Variants in MAP1S observed in about 807,000 individuals in gnomAD.
MAP1S encodes the protein microtubule associated protein 1S, also known as microtubule-associated protein 1S.
In MAP1S, 27 loss-of-function variants were observed where a neutral mutation model predicts 60.9. The observed-to-expected ratio is 0.44, with a 90% CI of 0.33 to 0.61. MAP1S has a LOEUF of 0.61. MAP1S is among the 20% of genes least tolerant of loss of function. MAP1S has a pLI of 0.03. For synonymous variants in MAP1S, 826 were observed against 694.2 expected (o/e 1.19, Z -2.98); for missense variants, 1,608 against 1,486.6 (o/e 1.08, Z -1.34).
chr19:17,719,494 G>T lies in MAP1S; in HGVS notation c.-9G>T. ...GGGCGGGCGCCGAGAACGCCGGGGC[G>T]GCCCGAAGATGGCGGCGGTGGCTGG... is the stretch of plus-strand genomic sequence containing the variant. On this transcript the variant is annotated 5_prime_UTR_variant, in exon 1 of 7. Transcript: ENST00000324096. 8.0e-7 allele frequency: 1 copy of T among 1,243,154 alleles called. No homozygotes were observed. Among genetic ancestry groups the T allele is most frequent in the Non-Finnish European group, 1.0e-6 (1 of 986,304 alleles). The allele number at this position is 1,243,154 out of a possible 1,614,324, so 77.0% of individuals were successfully genotyped here. A position where few individuals can be genotyped will look rare whatever the true frequency, so the allele number is the denominator to read the frequency against.
In MAP1S at chr19:17,726,792, G is replaced by A; in HGVS notation, c.1408G>A (p.Ala470Thr). Residue 470 changes from alanine (A) to threonine (T), a missense_variant, in exon 5 of 7, where the codon GCC becomes ACC. Ala to Thr is a moderately conservative substitution (Grantham distance 58). Transcript: ENST00000324096. ...CCAGGACCTGGAGGGGCCGGGGCGAGCCGAGAGCAAAGAGAGCGTGGGCTC... is the reference window on the plus strand; with the variant it reads ...CCAGGACCTGGAGGGGCCGGGGCGAACCGAGAGCAAAGAGAGCGTGGGCTC... ...TPQDLEGPGR[A>T]ESKESVGSRD... The A allele has an allele frequency of 6.4e-7, 1 of 1,557,778 alleles. No homozygotes were observed. Among genetic ancestry groups the A allele is most frequent in the African/African-American group, 1.4e-5 (1 of 73,536 alleles).
Position 17,726,908 on chromosome 19 carries a change from G to A in MAP1S, c.1524G>A (p.Arg508=). The A allele has an allele frequency of 6.4e-7, 1 of 1,562,658 alleles. No homozygotes were observed. Among genetic ancestry groups the A allele is most frequent in the Non-Finnish European group, 8.7e-7 (1 of 1,154,090 alleles). ...RPGVARKEPA[R]AEAPRKTEKE... ...GGGTGGCCCGCAAGGAGCCAGCACG[G>A]GCTGAGGCCCCACGCAAGACTGAGA... is the stretch of plus-strand genomic sequence containing the variant. Residue 508 remains arginine, a synonymous_variant, in exon 5 of 7, where the codon CGG becomes CGA. Transcript: ENST00000324096.
At position 17,733,332 on chromosome 19, in the gene MAP1S, C is replaced by T. The variant is rs780722507; in HGVS notation, c.2928C>T (p.Tyr976=). 27 of 1,608,816 alleles carry T rather than the reference C, an allele frequency of 1.7e-5. No homozygotes were observed. The highest frequency in any genetic ancestry group is 2.2e-5 in the Non-Finnish European group (26 of 1,178,492). The part of the protein sequence containing the change: ...EFFQRVRALC[Y]VISGQDQRKE... ...TCCAGCGCGTGCGCGCGCTCTGCTA[C>T]GTCATCAGTGGCCAGGACCAGCGCA... The change falls in exon 6 of 7, where the codon TAC becomes TAT. Residue 976 remains tyrosine (Y), a synonymous_variant. Transcript: ENST00000324096.
chr19:17,724,892 C>T, intron 3 of MAP1S, 157 bp from the exon 4 acceptor site: 1 of 856,482 alleles, frequency 1.2e-6, no homozygotes, highest in Non-Finnish European at 1.9e-6. Flanking sequence ...CAGCAGGAGA[C>T]CTGGAGACTG....
rs749440971 is a variant in MAP1S at position 17,727,005 on chromosome 19, G to C, written c.1621G>C (p.Val541Leu). ...PSVSRTQPRE[V>L]RRAASSVPNL... ...TGTCTCCCGGACCCAGCCGCGGGAGGTGCGCCGGGCAGCCTCTTCTGTGCC... is the reference window on the plus strand; with the variant it reads ...TGTCTCCCGGACCCAGCCGCGGGAGCTGCGCCGGGCAGCCTCTTCTGTGCC... Residue 541 changes from valine (V) to leucine (L), a missense_variant, in exon 5 of 7, where the codon GTG becomes CTG. This residue lies in a region of MAP1S where 1,167 missense variants were observed against 961.4 expected (regional missense o/e 1.21). Transcript: ENST00000324096. The surrounding 1 kb of genome is among the most constrained non-coding windows in gnomAD (Gnocchi z 4.1). 1.5e-5 allele frequency: 23 copies of C among 1,581,866 alleles called. No homozygotes were observed. Among genetic ancestry groups the C allele is most frequent in the Non-Finnish European group, 2.0e-5 (23 of 1,165,040 alleles).
Position 17,727,502 on chromosome 19 carries a change from G to A in MAP1S, c.2118G>A (p.Leu706=). The change falls in exon 5 of 7, where the codon CTG becomes CTA. Residue 706 remains leucine, a synonymous_variant. Transcript: ENST00000324096. This position sits in a 1 kb window ranked among gnomAD's most constrained non-coding sequence, Gnocchi z 4.1. ...ESLSVSFEQV[L]PPSAPTSEAG... ...TGTCGGTGTCCTTTGAGCAGGTGCTGCCGCCATCCGCCCCCACCAGTGAGG... is the reference window on the plus strand; with the variant it reads ...TGTCGGTGTCCTTTGAGCAGGTGCTACCGCCATCCGCCCCCACCAGTGAGG... 1 of 1,610,746 alleles carries A rather than the reference G, an allele frequency of 6.2e-7. No homozygotes were observed.
At position 17,726,202 on chromosome 19, in the gene MAP1S, C is replaced by A; in HGVS notation, c.818C>A (p.Ser273Tyr). 6.2e-7 allele frequency: 1 copy of A among 1,611,930 alleles called. No homozygotes were observed. ...VLVNGGSNPKSSFWKLVRHLD... is the reference protein window; with the variant it reads ...VLVNGGSNPKYSFWKLVRHLD... ...GTCAACGGTGGCTCAAACCCCAAGT[C>A]CAGTTTCTGGAAGCTGGTGCGGCAC... Residue 273 changes from serine to tyrosine, a missense_variant, in exon 5 of 7, where the codon TCC (serine) becomes TAC (tyrosine). Around this residue, in one of 4 missense-constraint regions of MAP1S, gnomAD observed 320 missense variants for 393.1 expected, o/e 0.81. Transcript: ENST00000324096.
chr19:17,721,860 G>C (rs1225941135), intron 2 of MAP1S, among the ~76,000 whole-genome samples: 1 of 152,112 alleles, frequency 6.6e-6, no homozygotes, highest in Non-Finnish European at 1.5e-5. Flanking sequence ...TCAGCACGAG[G>C]CTCCCTTCTA....
intron 5 of MAP1S, among the ~76,000 whole-genome samples, chr19:17,731,654 C>G (rs558780303): frequency 6.6e-6 from 1 of 152,282 alleles, no homozygotes; most frequent in African/African-American, 2.4e-5. Context: ...TACCTTGCTT[C>G]TTTGCTGAAT....
intron 2 of MAP1S, among the ~76,000 whole-genome samples, chr19:17,723,510 T>C (rs1398365762): frequency 2.0e-5 from 3 of 148,106 alleles, no homozygotes; most frequent in East Asian, 4.1e-4. Context: ...GTTGCACTGT[T>C]GCACGCCAGC....
intron 2 of MAP1S, among the ~76,000 whole-genome samples, chr19:17,722,285 C>G (rs938233076): frequency 2.0e-5 from 3 of 152,224 alleles, no homozygotes; most frequent in African/African-American, 7.2e-5. Flanking sequence ...AACCCTGTCC[C>G]TACTGAAAAT....
chr19:17,734,444 G>C lies in MAP1S; in HGVS notation c.*16G>C, dbSNP rs758214360. On this transcript the variant is annotated 3_prime_UTR_variant, in exon 7 of 7. Transcript: ENST00000324096. ...GGAGTTCTAGCCCCATCGCCGACAC[G>C]CCCCCCACTCAGCCCAGCCCGCCTG... The C allele has an allele frequency of 6.3e-7, 1 of 1,594,756 alleles. No individual in the cohort carries two copies. Among genetic ancestry groups the C allele is most frequent in the Non-Finnish European group, 8.5e-7 (1 of 1,169,704 alleles).
rs773566208 is a variant in MAP1S at position 17,727,078 on chromosome 19, C to T, written c.1694C>T (p.Ala565Val). 3.3e-5 allele frequency: 53 copies of T among 1,605,664 alleles called. No individual in the cohort carries two copies. Among genetic ancestry groups the T allele is most frequent in the African/African-American group, 2.0e-4 (15 of 74,850 alleles). ...CAGGCGGCACCCAAGCCCCGCAAAG[C>T]GCCCAGCACGTCCCACTCTGGCTTC... Reference protein sequence around the residue: ...NAQAAPKPRKAPSTSHSGFPP... With the variant: ...NAQAAPKPRKVPSTSHSGFPP... The change falls in exon 5 of 7, where the codon GCG becomes GTG. Residue 565 changes from alanine to valine, a missense_variant. By Grantham distance (64) the Ala-to-Val change is moderately conservative. Coordinates refer to ENST00000324096, the MANE Select transcript of MAP1S (RefSeq NM_018174.6). The surrounding 1 kb of genome is among the most constrained non-coding windows in gnomAD (Gnocchi z 4.1).
chr19:17,719,869 A>C (rs1262423911), intron 1 of MAP1S: 1 of 160,264 alleles, frequency 6.2e-6, no homozygotes, highest in African/African-American at 2.4e-5. Context: ...CCCCGCCCCA[A>C]CTCCGGGTGA....
rs150772825 is a variant in MAP1S, at chr19:17,730,953, C to G, written c.2789-2240C>G. Among the ~76,000 whole-genome samples, 723 of 149,642 alleles carry G rather than the reference C, an allele frequency of 4.8e-3. 5 individuals are homozygous for G. Among genetic ancestry groups the G allele is most frequent in the African/African-American group, 0.017 (685 of 40,584 alleles). On this transcript the variant is annotated intron_variant, in intron 5 of 6. Transcript: ENST00000324096. ...TTGCCCAGGCTGCAGCATGGGAGCACTATCTTGGCTCACTGCAACCTCCGC... is the reference window on the plus strand; with the variant it reads ...TTGCCCAGGCTGCAGCATGGGAGCAGTATCTTGGCTCACTGCAACCTCCGC...
rs1047384167 is a variant in MAP1S, at chr19:17,725,259, G to A, written c.444+70G>A. On this transcript the variant is annotated intron_variant, in intron 4 of 6. Coordinates refer to ENST00000324096, the MANE Select transcript of MAP1S (RefSeq NM_018174.6). This position sits in a 1 kb window ranked among gnomAD's most constrained non-coding sequence, Gnocchi z 4.2. ...CTGACTGGGGTGTATCAGGCTGTGT[G>A]GCACCAGCGACCTGCTGTTTTCCAT... is the stretch of plus-strand genomic sequence containing the variant. 13 of 1,523,404 alleles carry A rather than the reference G, an allele frequency of 8.5e-6. No homozygotes were observed. Among genetic ancestry groups the A allele is most frequent in the African/African-American group, 6.9e-5 (5 of 72,344 alleles). The allele number at this position is 1,523,404 out of a possible 1,614,324, so 94.4% of individuals were successfully genotyped here.
chr19:17,733,493 G>T, intron 6 of MAP1S, 65 bp downstream of exon 6: 1 of 1,299,162 alleles, frequency 7.7e-7, no homozygotes, highest in South Asian at 1.5e-5. Flanking sequence ...AACCACCCTC[G>T]ACCCTCAGAG....
chr19:17,719,562 G>A lies in MAP1S; in HGVS notation c.60G>A (p.Val20=). Reference sequence around the variant, plus strand: ...CTCCGAGCTCACTGCTCCTCGTGGTGGGCAGCGAGTTCGGGAGCCCGGGGC... The same window carrying A: ...CTCCGAGCTCACTGCTCCTCGTGGTAGGCAGCGAGTTCGGGAGCCCGGGGC... The part of the protein sequence containing the change: ...AAAPSSLLLV[V]GSEFGSPGLL... The change falls in exon 1 of 7, where the codon GTG becomes GTA. Residue 20 remains valine, a synonymous_variant. Transcript: ENST00000324096. 1 of 1,246,202 alleles carries A rather than the reference G, an allele frequency of 8.0e-7. No homozygotes were observed. The highest frequency in any genetic ancestry group is 1.0e-6 in the Non-Finnish European group (1 of 987,554). The allele number at this position is 1,246,202 out of a possible 1,614,324, so 77.2% of individuals were successfully genotyped here.
Position 17,727,412 on chromosome 19 carries a change from G to A in MAP1S, c.2028G>A (p.Thr676=), listed in dbSNP as rs1257739056. The A allele has an allele frequency of 5.0e-6, 8 of 1,598,760 alleles. No homozygotes were observed. The highest frequency in any genetic ancestry group is 1.7e-5 in the Admixed American group (1 of 57,960). Residue 676 remains threonine (T), a synonymous_variant, in exon 5 of 7, where the codon ACG becomes ACA. Coordinates refer to ENST00000324096, the MANE Select transcript of MAP1S (RefSeq NM_018174.6). The surrounding 1 kb of genome is among the most constrained non-coding windows in gnomAD (Gnocchi z 4.1). ...PDASPTVTTP[T]VTTPSLPAEV... is the part of the protein sequence containing the mutation. ...CCTCACCCACAGTGACCACACCCACGGTGACCACGCCCTCACTACCCGCAG... is the reference window on the plus strand; with the variant it reads ...CCTCACCCACAGTGACCACACCCACAGTGACCACGCCCTCACTACCCGCAG...
Sources: gnomAD v4.1 joint callset for allele counts (sites outside exome capture counted in the v4.1 genomes callset) on GRCh38, gnomAD v4.1.1 for gene constraint, gnomAD v4.1.1 regional missense constraint, Gnocchi (gnomAD v3.1) non-coding constraint, MANE v1.5 for transcripts, NCBI Gene and HGNC (gene_info 2026-07-23, HGNC 2026-07-21) for gene names.